The following TET3 variants were observed in gnomAD, a reference collection of about 807,000 sequenced individuals.
TET3 encodes methylcytosine dioxygenase TET3.
Under a neutral mutation model 141.4 loss-of-function variants are expected in TET3, and 19 were observed. The ratio of observed to expected loss-of-function variants is 0.13; its 90% confidence interval spans 0.09 to 0.20. The LOEUF is 0.20. Among genes scored for constraint, TET3 ranks in the 10% least tolerant of loss-of-function variants. The pLI is 1.00. For missense variants in TET3, 1,874 were observed against 2,356.9 expected, an observed-to-expected ratio of 0.80 and a Z score of 4.24; for synonymous variants, 1,043 against 980.9, an observed-to-expected ratio of 1.06 and a Z score of -1.18.
rs377651564 is a variant in TET3 at position 74,002,461 on chromosome 2, T to C, written c.304-649T>C. ...GGCGCAGAGGACGCCTTCTGGGTAT[T>C]ACCTTCGGGGTCCCCGCGGGAGGAG... On this transcript the variant is annotated intron_variant, in intron 2 of 11. Coordinates refer to ENST00000409262, the MANE Select transcript of TET3 (RefSeq NM_001287491.2). 1.8e-4 allele frequency among the ~76,000 whole-genome samples: 27 copies of C among 151,152 alleles called. No homozygotes were observed. In the East Asian group the frequency reaches 5.4e-3, roughly 30 times the overall value.
Position 74,046,370 on chromosome 2 carries a change from C to T in TET3, c.453C>T (p.Ala151=). 1.3e-6 allele frequency: 2 copies of T among 1,538,434 alleles called. No individual in the cohort carries two copies. Among genetic ancestry groups the T allele is most frequent in the Non-Finnish European group, 1.7e-6 (2 of 1,146,372 alleles). Residue 151 remains alanine (A), a synonymous_variant, in exon 4 of 12, where the codon GCC becomes GCT. Transcript: ENST00000409262. This position sits in a 1 kb window ranked among gnomAD's most constrained non-coding sequence, Gnocchi z 4.3. ...VYHGDSRQLS[A]SGVPVNGARE... The stretch of plus-strand genomic sequence containing the variant: ...ATGGGGACTCACGGCAGCTAAGCGC[C>T]TCAGGGGTGCCGGTCAATGGTGCTA...
chr2:74,094,160 C>T (rs1247030176), intron 10 of TET3, among the ~76,000 whole-genome samples: 1 of 152,156 alleles, frequency 6.6e-6, no homozygotes, highest in African/African-American at 2.4e-5. Flanking sequence ...AGGGATAAAG[C>T]AACAGGAGAT....
chr2:74,066,948 T>C (rs1258410341), intron 4 of TET3, among the ~76,000 whole-genome samples: 1 of 152,228 alleles, frequency 6.6e-6, no homozygotes, highest in Non-Finnish European at 1.5e-5. Context: ...ACTTTGAATT[T>C]TCTCCAGACA....
the TET3 span, among the ~76,000 whole-genome samples, chr2:74,133,128 G>C: frequency 6.7e-6 from 1 of 148,632 alleles, no homozygotes; most frequent in African/African-American, 2.5e-5. Flanking sequence ...TGGCCAGGCT[G>C]GTCTTGAACT....
downstream of TET3, among the ~76,000 whole-genome samples, chr2:74,113,102 C>A (rs1240549162): frequency 6.9e-6 from 1 of 144,298 alleles, no homozygotes; most frequent in Non-Finnish European, 1.5e-5. Context: ...TGGAACAAGA[C>A]AAGAATGGCC....
intron 4 of TET3, among the ~76,000 whole-genome samples, chr2:74,057,839 G>T (rs574837162): frequency 6.6e-6 from 1 of 152,210 alleles, no homozygotes; most frequent in South Asian, 2.1e-4. Flanking sequence ...TTCAAATTCT[G>T]TAGGAAAAGT....
intron 3 of TET3, among the ~76,000 whole-genome samples, chr2:74,017,492 T>C (rs1295815362): frequency 6.6e-6 from 1 of 152,228 alleles, no homozygotes; most frequent in Non-Finnish European, 1.5e-5. Context: ...ACATGTGGTA[T>C]TTATCTTTCT....
intron 3 of TET3, among the ~76,000 whole-genome samples, chr2:74,035,596 G>A (rs1247368987): frequency 1.3e-5 from 2 of 152,104 alleles, no homozygotes; most frequent in African/African-American, 4.8e-5. Flanking sequence ...GCATGGTGGT[G>A]GGCGCCTGTA....
chr2:74,006,544 C>T (rs1347772257), intron 3 of TET3, among the ~76,000 whole-genome samples: 1 of 152,186 alleles, frequency 6.6e-6, no homozygotes, highest in Non-Finnish European at 1.5e-5. Context: ...AGCCCTTTTG[C>T]TGGGCCTGGT....
intron 10 of TET3, among the ~76,000 whole-genome samples, chr2:74,096,119 T>A (rs1404334879): frequency 6.6e-6 from 1 of 152,202 alleles, no homozygotes; most frequent in East Asian, 1.9e-4. Context: ...TTGTAAAGTA[T>A]CTCTTGTAGG....
the TET3 span, among the ~76,000 whole-genome samples, chr2:74,132,756 T>C: frequency 6.6e-6 from 1 of 152,114 alleles, no homozygotes; most frequent in Non-Finnish European, 1.5e-5. Context: ...CAGATGCCAA[T>C]CTAGAGTGAG....
chr2:74,089,688 G>T (rs1309053702), intron 7 of TET3, among the ~76,000 whole-genome samples: 1 of 152,200 alleles, frequency 6.6e-6, no homozygotes, highest in Non-Finnish European at 1.5e-5. Context: ...CTGCAGGCTC[G>T]CAGTGGTGCA....
downstream of TET3, among the ~76,000 whole-genome samples, chr2:74,109,002 C>T (rs1324395300): frequency 6.6e-6 from 1 of 152,050 alleles, no homozygotes; most frequent in Non-Finnish European, 1.5e-5. Flanking sequence ...CTGGAAATGC[C>T]TTGGCACACC....
chr2:74,101,944 G>A lies in TET3; in HGVS notation c.5156G>A (p.Arg1719Lys), dbSNP rs747040234. The A allele has an allele frequency of 1.9e-6, 3 of 1,612,440 alleles. No individual in the cohort carries two copies. Among genetic ancestry groups the A allele is most frequent in the East Asian group, 2.2e-5 (1 of 44,820 alleles). Residue 1719 changes from arginine (R) to lysine (K), a missense_variant, in exon 12 of 12, where the codon AGG becomes AAG. This residue lies in a region of TET3 where 113 missense variants were observed against 114.3 expected (regional missense o/e 0.99). Transcript: ENST00000409262. The surrounding 1 kb of genome is among the most constrained non-coding windows in gnomAD (Gnocchi z 8.5). ...GCCAAGATGAAGCAGCTGGCGGAGA[G>A]GGCACGGGCACGGCAGGAGGAGGCT... ...WEAKMKQLAE[R>K]ARARQEEAAR...
At chr2:74,111,421 T>A, downstream of TET3, among the ~76,000 whole-genome samples, 1 of 152,192 alleles carries the variant, frequency 6.6e-6, no homozygotes, top group East Asian at 1.9e-4. Context: ...ATTCTCCCAG[T>A]CATATCCTGA....
intron 1 of TET3, among the ~76,000 whole-genome samples, chr2:73,985,453 T>C (rs966835520): frequency 7.2e-6 from 1 of 138,738 alleles, no homozygotes; most frequent in East Asian, 2.3e-4. Flanking sequence ...CGCGCCCCCC[T>C]CCCCGCGCCC....
At chr2:74,014,181 G>A (rs929708977) in intron 3 of TET3, among the ~76,000 whole-genome samples, 6 of 151,960 alleles carry the variant, frequency 3.9e-5, no homozygotes, top group Non-Finnish European at 8.8e-5. Flanking sequence ...GGTTTATTTG[G>A]TATGTCCTTT....
At chr2:73,988,074 G>A (rs1490804913) in intron 2 of TET3, among the ~76,000 whole-genome samples, 1 of 152,170 alleles carries the variant, frequency 6.6e-6, no homozygotes, top group Non-Finnish European at 1.5e-5. Flanking sequence ...CTTGTTTCTG[G>A]TTAAAGCAGA....
chr2:74,114,844 ACT>A, the TET3 span, among the ~76,000 whole-genome samples: 6 of 139,854 alleles, frequency 4.3e-5, no homozygotes, highest in Non-Finnish European at 7.7e-5. Flanking sequence ...ACAGAGAGAG[ACT>A]CTGTCTCAAA....
Sources: allele counts gnomAD v4.1 joint callset (sites outside exome capture counted in the v4.1 genomes callset), GRCh38; gene constraint gnomAD v4.1.1; regional missense constraint gnomAD v4.1.1; non-coding constraint Gnocchi (gnomAD v3.1); transcripts MANE v1.5; gene names NCBI Gene and HGNC (gene_info 2026-07-23, HGNC 2026-07-21).